USP24: variants seen among roughly 807,000 people sequenced by gnomAD.
The protein encoded by USP24 is ubiquitin carboxyl-terminal hydrolase 24.
Under a neutral mutation model 361.6 loss-of-function variants are expected in USP24, and 97 were observed. The observed-to-expected ratio is 0.27, with a 90% CI of 0.23 to 0.32. The LOEUF (loss-of-function observed/expected upper bound fraction) is 0.32. Ranked by LOEUF, USP24 falls within the 10% of genes least tolerant of loss-of-function variation. The pLI, the probability that USP24 is intolerant of heterozygous loss-of-function variation, is 1.00. For synonymous variants in USP24, 1,098 were observed against 1,124.6 expected (o/e 0.98, Z 0.47); for missense variants, 2,353 against 3,165.6 (o/e 0.74, Z 6.16).
chr1:55,147,111 A>C (rs1647048917), intron 18 of USP24, 51 bp from the exon 19 acceptor site: 2 of 1,481,702 alleles, frequency 1.3e-6, no homozygotes, highest in Non-Finnish European at 1.8e-6. Context: ...TCATTCCTAA[A>C]AGCAACATTA....
intron 1 of USP24, among the ~76,000 whole-genome samples, chr1:55,202,856 C>G (rs1178384426): frequency 6.6e-6 from 1 of 152,222 alleles, no homozygotes; most frequent in East Asian, 1.9e-4. Flanking sequence ...TTCCTTTCCT[C>G]AACTCCCACC....
chr1:55,132,986 T>G (rs1182690755), intron 30 of USP24, among the ~76,000 whole-genome samples: 9 of 152,222 alleles, frequency 5.9e-5, no homozygotes, highest in Admixed American at 5.9e-4. Context: ...GTTTCTGTGT[T>G]TAAAATTTGT....
intron 1 of USP24, among the ~76,000 whole-genome samples, chr1:55,204,391 G>A (rs1467021065): frequency 6.6e-6 from 1 of 151,742 alleles, no homozygotes; most frequent in Non-Finnish European, 1.5e-5. Flanking sequence ...TACTAGTTGA[G>A]AGAATCATCA....
At chr1:55,154,840 C>T (rs1308492993) in intron 12 of USP24, 62 bp from the exon 13 acceptor site, 1 of 1,312,046 alleles carries the variant, frequency 7.6e-7, no homozygotes, top group South Asian at 1.3e-5. Flanking sequence ...TAAGTCTTCC[C>T]CCTGGCAACT....
At chr1:55,196,506 C>T (rs1644422599) in intron 1 of USP24, among the ~76,000 whole-genome samples, 1 of 152,090 alleles carries the variant, frequency 6.6e-6, no homozygotes, top group African/African-American at 2.4e-5. Context: ...CCCTCAAGAA[C>T]CAATTTCCGC....
intron 16 of USP24, chr1:55,151,789 T>C (rs1647200548): frequency 1.5e-6 from 1 of 687,420 alleles, no homozygotes; most frequent in Non-Finnish European, 1.8e-6. Context: ...CCAGAATTTC[T>C]GAACACAACA....
intron 58 of USP24, 115 bp downstream of exon 58, chr1:55,083,157 A>G (rs1019116763): frequency 1.6e-5 from 15 of 938,128 alleles, no homozygotes; most frequent in East Asian, 2.7e-5. Flanking sequence ...TCAAGTCTCT[A>G]TGGTACTACT....
intron 4 of USP24, 55 bp downstream of exon 4, chr1:55,172,322 C>A: frequency 6.9e-7 from 1 of 1,448,556 alleles, no homozygotes; most frequent in Non-Finnish European, 9.2e-7. Flanking sequence ...CAGAGAACAG[C>A]AAGTATTTTA....
intron 28 of USP24, among the ~76,000 whole-genome samples, chr1:55,136,154 AAGAC>A (rs1646729077): frequency 6.6e-6 from 1 of 152,202 alleles, no homozygotes; most frequent in Non-Finnish European, 1.5e-5. Context: ...AAATCTAGAC[AAGAC>A]AGTCAGAGAA....
intron 1 of USP24, among the ~76,000 whole-genome samples, chr1:55,206,385 G>A (rs113046746): frequency 7.2e-5 from 11 of 152,158 alleles, no homozygotes; most frequent in African/African-American, 2.2e-4. Flanking sequence ...AGCTAACCTT[G>A]AAGAACGACT....
intron 1 of USP24, among the ~76,000 whole-genome samples, chr1:55,202,120 C>T (rs1021326183): frequency 3.3e-5 from 5 of 152,078 alleles, no homozygotes; most frequent in African/African-American, 1.2e-4. Flanking sequence ...CCTCTAAGAG[C>T]GCATCAATAT....
chr1:55,081,555 AGGT>A, intron 58 of USP24, 131 bp from the exon 59 acceptor site: 3 of 849,984 alleles, frequency 3.5e-6, no homozygotes, highest in Admixed American at 2.3e-5. Flanking sequence ...GAAGAGGTCA[AGGT>A]ACAAAAAAAT....
intron 18 of USP24, 116 bp from the exon 19 acceptor site, chr1:55,147,176 T>C: frequency 2.0e-6 from 2 of 1,016,394 alleles, no homozygotes; most frequent in Non-Finnish European, 2.7e-6. Flanking sequence ...CTTTTTCATA[T>C]AATTTAGGGT....
intron 38 of USP24, among the ~76,000 whole-genome samples, chr1:55,115,014 T>C (rs1002030774): frequency 8.7e-5 from 13 of 149,540 alleles, no homozygotes; most frequent in Middle Eastern, 3.2e-3. Flanking sequence ...AGGGCTAATA[T>C]CCAGATTCTA....
At chr1:55,149,457 G>T (rs190884971) in intron 16 of USP24, among the ~76,000 whole-genome samples, 5 of 152,258 alleles carry the variant, frequency 3.3e-5, no homozygotes, top group Admixed American at 2.0e-4. Flanking sequence ...GACCCTTGTG[G>T]AGGGGAAATA....
In USP24 at chr1:55,154,206, C is replaced by T; in HGVS notation, c.1725G>A (p.Glu575=). 6.2e-7 allele frequency: 1 copy of T among 1,613,616 alleles called. No homozygotes were observed. Among genetic ancestry groups the T allele is most frequent in the African/African-American group, 1.3e-5 (1 of 75,022 alleles). Residue 575 remains glutamate, a synonymous_variant, in exon 15 of 68, where the codon GAG becomes GAA. Transcript: ENST00000294383. ...ATGCATCACTAAGGATTGTCAGGTG[C>T]TCCTCCAAGGCCTGCTGAATAAGGC... The part of the protein sequence containing the change: ...PSSLIQQALE[E]HLTILSDAYA...
At chr1:55,083,991 T>TAATTTTTTTC in intron 56 of USP24, 103 bp from the exon 57 acceptor site, 1 of 880,610 alleles carries the variant, frequency 1.1e-6, no homozygotes, top group Non-Finnish European at 1.8e-6. Context: ...AAAAGGAAAG[T>TAATTTTTTTC]CTGATACAAT....
intron 1 of USP24, 42 bp from the exon 2 acceptor site, chr1:55,178,174 T>C (rs775528622): frequency 3.9e-6 from 6 of 1,545,898 alleles, no homozygotes; most frequent in South Asian, 3.6e-5. Flanking sequence ...TAAAACTAAT[T>C]AGTGATTACT....
At chr1:55,105,973 G>A (rs993373563) in intron 41 of USP24, among the ~76,000 whole-genome samples, 173 bp downstream of exon 41, 3 of 152,166 alleles carry the variant, frequency 2.0e-5, no homozygotes. Flanking sequence ...CTTACTATGT[G>A]CCAGGCAGGC....
Sources: gnomAD v4.1 joint callset for allele counts (sites outside exome capture counted in the v4.1 genomes callset) on GRCh38, gnomAD v4.1.1 for gene constraint, MANE v1.5 for transcripts, NCBI Gene and HGNC (gene_info 2026-07-23, HGNC 2026-07-21) for gene names.